MSRB3: variants seen among roughly 807,000 people sequenced by gnomAD.
MSRB3 encodes methionine-R-sulfoxide reductase B3.
A neutral mutation model predicts 21.0 loss-of-function variants in MSRB3; 13 were observed. The ratio of observed to expected loss-of-function variants is 0.62; its 90% CI spans 0.40 to 0.98. The LOEUF (loss-of-function observed/expected upper bound fraction) is 0.98. Ranked by LOEUF, MSRB3 falls within the 50% of genes least tolerant of loss-of-function variation. MSRB3 has a pLI of 0.00. For missense variants in MSRB3, 199 were observed against 230.3 expected, an observed-to-expected ratio of 0.86 and a Z score of 0.88; for synonymous variants, 87 against 88.6, an observed-to-expected ratio of 0.98 and a Z score of 0.10.
chr12:65,391,535 G>C (rs893769536), intron 5 of MSRB3, among the ~76,000 whole-genome samples: 1 of 152,060 alleles, frequency 6.6e-6, no homozygotes, highest in Non-Finnish European at 1.5e-5. Flanking sequence ...CCCTGGCTCT[G>C]TTTTTTGTTT....
intron 2 of MSRB3, among the ~76,000 whole-genome samples, chr12:65,324,644 T>C (rs1874898835): frequency 6.6e-6 from 1 of 152,202 alleles, no homozygotes; most frequent in Non-Finnish European, 1.5e-5. Flanking sequence ...GAGAGATTCA[T>C]GAGAGAGGGA....
At chr12:65,306,051 G>A (rs905617351) in intron 1 of MSRB3, among the ~76,000 whole-genome samples, 2 of 152,102 alleles carry the variant, frequency 1.3e-5, no homozygotes, top group East Asian at 1.9e-4. Context: ...CTGAGGCCCC[G>A]AGAGGGTAAG....
intron 5 of MSRB3, among the ~76,000 whole-genome samples, chr12:65,396,975 A>G (rs1265106806): frequency 1.3e-5 from 2 of 152,202 alleles, no homozygotes; most frequent in African/African-American, 4.8e-5. Flanking sequence ...GTCTCTAACT[A>G]TAATAATGGA....
At chr12:65,424,200 TG>T (rs1881462381) in intron 5 of MSRB3, among the ~76,000 whole-genome samples, 1 of 152,098 alleles carries the variant, frequency 6.6e-6, no homozygotes, top group Admixed American at 6.5e-5. Flanking sequence ...TTTCTGATTT[TG>T]TTGTCTTTTT....
chr12:65,413,040 T>C (rs1050717863), intron 5 of MSRB3, among the ~76,000 whole-genome samples: 3 of 152,176 alleles, frequency 2.0e-5, no homozygotes, highest in Non-Finnish European at 2.9e-5. Context: ...ATGATGGCGA[T>C]TACAATTCAC....
At chr12:65,430,372 G>A (rs1301824268) in intron 5 of MSRB3, among the ~76,000 whole-genome samples, 1 of 152,078 alleles carries the variant, frequency 6.6e-6, no homozygotes, top group African/African-American at 2.4e-5. Flanking sequence ...CTAACACATA[G>A]TTATAATACA....
intron 5 of MSRB3, chr12:65,418,837 C>T: frequency 1.1e-6 from 1 of 885,516 alleles, no homozygotes; most frequent in Non-Finnish European, 1.9e-6. Context: ...CAAGGCATCA[C>T]CAAGACTGAA....
intron 5 of MSRB3, among the ~76,000 whole-genome samples, chr12:65,379,286 C>T (rs1878814880): frequency 6.6e-6 from 1 of 152,124 alleles, no homozygotes; most frequent in Non-Finnish European, 1.5e-5. Context: ...GGACAATATA[C>T]TGCAAATTCA....
chr12:65,389,861 C>A (rs1040375166), intron 5 of MSRB3, among the ~76,000 whole-genome samples: 1 of 152,192 alleles, frequency 6.6e-6, no homozygotes, highest in South Asian at 2.1e-4. Context: ...GGATAATTGC[C>A]ACTAAAGATT....
intron 2 of MSRB3, among the ~76,000 whole-genome samples, chr12:65,324,853 A>G (rs1874910174): frequency 6.6e-6 from 1 of 152,224 alleles, no homozygotes; most frequent in South Asian, 2.1e-4. Flanking sequence ...ACAGATGGGT[A>G]GCTTAGTTCT....
chr12:65,346,209 A>G (rs1255315549), intron 4 of MSRB3, among the ~76,000 whole-genome samples: 2 of 152,144 alleles, frequency 1.3e-5, no homozygotes, highest in African/African-American at 2.4e-5. Flanking sequence ...CAACAGTGTA[A>G]AAGTGTTCCT....
chr12:65,409,444 T>C (rs534091179), intron 5 of MSRB3, among the ~76,000 whole-genome samples: 4 of 152,234 alleles, frequency 2.6e-5, no homozygotes, highest in Admixed American at 1.3e-4. Flanking sequence ...TTTGTGTATC[T>C]ATACTTATAT....
chr12:65,308,691 A>G (rs1311944836), intron 2 of MSRB3, 36 bp downstream of exon 2: 1 of 1,613,570 alleles, frequency 6.2e-7, no homozygotes, highest in African/African-American at 1.3e-5. Context: ...GTGAAGGCAC[A>G]GGGCCAACTG....
At chr12:65,374,763 G>A (rs181892675) in intron 5 of MSRB3, among the ~76,000 whole-genome samples, 298 of 152,158 alleles carry the variant, frequency 2.0e-3, no homozygotes, top group Middle Eastern at 0.01. Flanking sequence ...TGTGAATACC[G>A]TTCTATTCTT....
intron 5 of MSRB3, among the ~76,000 whole-genome samples, chr12:65,400,395 G>A (rs1880058008): frequency 6.6e-6 from 1 of 152,038 alleles, no homozygotes; most frequent in Non-Finnish European, 1.5e-5. Flanking sequence ...GCTTATTTTT[G>A]TAGCAGTGTT....
At chr12:65,307,444 G>A (rs1288988124) in intron 1 of MSRB3, among the ~76,000 whole-genome samples, 4 of 152,072 alleles carry the variant, frequency 2.6e-5, no homozygotes, top group Non-Finnish European at 4.4e-5. Context: ...AGAAGAGTCC[G>A]GAACAGACTT....
intron 5 of MSRB3, among the ~76,000 whole-genome samples, chr12:65,445,581 G>A (rs1882575548): frequency 6.6e-6 from 1 of 151,248 alleles, no homozygotes; most frequent in South Asian, 2.1e-4. Flanking sequence ...TGAATTTTTA[G>A]AGTCTATAGG....
intron 4 of MSRB3, among the ~76,000 whole-genome samples, chr12:65,357,190 A>C (rs1006692594): frequency 1.3e-5 from 2 of 151,636 alleles, no homozygotes; most frequent in African/African-American, 4.8e-5. Flanking sequence ...ATCTTTAATT[A>C]TTCTTTCCCT....
rs149279161 is a variant in MSRB3, at chr12:65,380,989, C to A, written c.292+11963C>A. Among the ~76,000 whole-genome samples, 7 of 152,252 alleles carry A rather than the reference C, an allele frequency of 4.6e-5. No individual in the cohort carries two copies. The East Asian group carries it at 1.4e-3, about 29-fold the overall frequency. On this transcript the variant is annotated intron_variant, in intron 5 of 6. Transcript: ENST00000308259. ...AGTCACATGTAGTTGCAGAAATTTT[C>A]TCCCCCTCCAAGTAGTTACTCGGAT...
Sources: allele counts gnomAD v4.1 joint callset (sites outside exome capture counted in the v4.1 genomes callset), GRCh38; gene constraint gnomAD v4.1.1; transcripts MANE v1.5; gene names NCBI Gene and HGNC (gene_info 2026-07-23, HGNC 2026-07-21).